Variants in ANKS1A observed in about 807,000 individuals in gnomAD.
The protein encoded by ANKS1A is ankyrin repeat and SAM domain-containing protein 1A.
ANKS1A carries 55 observed loss-of-function variants against 120.3 expected under a neutral mutation model. The ratio of observed to expected loss-of-function variants is 0.46; its 90% CI spans 0.37 to 0.57. ANKS1A has a LOEUF of 0.57. Among genes scored for constraint, ANKS1A ranks in the 20% least tolerant of loss-of-function variants. The pLI is 0.00. For missense variants in ANKS1A, 1,123 were observed against 1,480.3 expected, an observed-to-expected ratio of 0.76 and a Z score of 3.96; for synonymous variants, 590 against 604.7, an observed-to-expected ratio of 0.98 and a Z score of 0.36.
chr6:35,091,920 A>G (rs73403887), downstream of ANKS1A, among the ~76,000 whole-genome samples: 4,062 of 152,312 alleles, frequency 0.027, 66 homozygotes, highest in Middle Eastern at 0.054. Context: ...GGCTGGTGGC[A>G]GGGAGAGGAA....
chr6:35,065,453 T>C (rs1216664324), intron 13 of ANKS1A, among the ~76,000 whole-genome samples: 1 of 151,970 alleles, frequency 6.6e-6, no homozygotes, highest in Non-Finnish European at 1.5e-5. Context: ...ATTGCTGGCC[T>C]CGTTGTGAGC....
intron 1 of ANKS1A, among the ~76,000 whole-genome samples, chr6:34,933,801 G>A (rs79271052): frequency 0.043 from 6,596 of 152,184 alleles, 259 homozygotes; most frequent in African/African-American, 0.11. Flanking sequence ...GAATTGTCAG[G>A]GCTAATGCCT....
intron 1 of ANKS1A, 118 bp from the exon 2 acceptor site, chr6:34,967,121 A>G (rs1207813742): frequency 6.7e-6 from 6 of 889,334 alleles, no homozygotes; most frequent in Non-Finnish European, 8.9e-6. Flanking sequence ...ATTTGGAAGT[A>G]ACTGGTCTGG....
intron 10 of ANKS1A, among the ~76,000 whole-genome samples, chr6:34,998,679 C>A (rs1772982701): frequency 6.6e-6 from 1 of 152,188 alleles, no homozygotes; most frequent in South Asian, 2.1e-4. Flanking sequence ...CACACGGACC[C>A]CCCTTAGAGT....
At chr6:34,980,955 G>A (rs1561887891) in intron 3 of ANKS1A, among the ~76,000 whole-genome samples, 1 of 152,170 alleles carries the variant, frequency 6.6e-6, no homozygotes, top group Non-Finnish European at 1.5e-5. Context: ...CACAAAACAT[G>A]CCAGCGTTTG....
In ANKS1A at chr6:35,082,678, G is replaced by A. The variant is rs745578670; in HGVS notation, c.2710-13G>A. 1.8e-5 allele frequency: 29 copies of A among 1,604,054 alleles called. No individual in the cohort carries two copies. In the Middle Eastern group the frequency reaches 5.0e-4, roughly 28 times the overall value. On this transcript the variant is annotated splice_polypyrimidine_tract_variant and intron_variant, in intron 17 of 23. Transcript: ENST00000360359. This position sits in a 1 kb window ranked among gnomAD's most constrained non-coding sequence, Gnocchi z 4.1. ...GAGCAAGGAGCAGGTGTCCAATTGC[G>A]TGTGTTTCGCAGGAGGAGCACCGTG... is the stretch of plus-strand genomic sequence containing the variant.
intron 1 of ANKS1A, among the ~76,000 whole-genome samples, chr6:34,890,381 C>T (rs1443484751): frequency 6.6e-6 from 1 of 152,196 alleles, no homozygotes; most frequent in African/African-American, 2.4e-5. Context: ...TGAGCCACCG[C>T]GCCTGGCCCC....
chr6:34,892,237 T>TAAA (rs1372561479), intron 1 of ANKS1A, among the ~76,000 whole-genome samples: 1 of 152,226 alleles, frequency 6.6e-6, no homozygotes, highest in African/African-American at 2.4e-5. Flanking sequence ...AGGCACTAGT[T>TAAA]ACACTAATTA....
At chr6:35,033,427 T>C (rs1775000359) in intron 11 of ANKS1A, among the ~76,000 whole-genome samples, 1 of 152,172 alleles carries the variant, frequency 6.6e-6, no homozygotes, top group Non-Finnish European at 1.5e-5. Flanking sequence ...GTGGAATTCA[T>C]TTGGTTAAAG....
intron 11 of ANKS1A, among the ~76,000 whole-genome samples, chr6:35,041,140 A>C (rs542269381): frequency 1.3e-5 from 2 of 152,384 alleles, no homozygotes; most frequent in South Asian, 4.1e-4. Flanking sequence ...GGTCTTGGTC[A>C]AACGTTAATA....
chr6:35,074,989 C>A (rs921939593), intron 13 of ANKS1A, among the ~76,000 whole-genome samples: 3 of 152,186 alleles, frequency 2.0e-5, no homozygotes, highest in Non-Finnish European at 4.4e-5. Flanking sequence ...ATGCCCACCA[C>A]AACAGAGTAA....
At chr6:35,083,295 G>C in intron 19 of ANKS1A, 69 bp downstream of exon 19, 1 of 1,601,414 alleles carries the variant, frequency 6.2e-7, no homozygotes, top group African/African-American at 1.3e-5. Flanking sequence ...GGGGGCAGTA[G>C]CTGCAGTTGC....
rs149970946 is a variant in ANKS1A at position 34,968,839 on chromosome 6, T to A, written c.279-1171T>A. Among the ~76,000 whole-genome samples, 665 of 152,312 alleles carry A rather than the reference T, an allele frequency of 4.4e-3. 2 individuals are homozygous for A. The highest frequency in any genetic ancestry group is 0.014 in the African/African-American group (602 of 41,570). ...ACCTTAGAGTATTTTGTGTCACTTG[T>A]CCGATATTTGACCCACCCTAATTGA... On this transcript the variant is annotated intron_variant, in intron 2 of 23. Transcript: ENST00000360359.
At chr6:34,953,110 C>T (rs1770166220) in intron 1 of ANKS1A, among the ~76,000 whole-genome samples, 1 of 152,034 alleles carries the variant, frequency 6.6e-6, no homozygotes, top group Non-Finnish European at 1.5e-5. Context: ...TTTTTCTTAC[C>T]TGTTGAGTTC....
chr6:34,906,006 G>C (rs9380467), intron 1 of ANKS1A, among the ~76,000 whole-genome samples: 11,000 of 152,196 alleles, frequency 0.072, 599 homozygotes, highest in East Asian at 0.23. Flanking sequence ...CTCTCTTAGA[G>C]TGCATACTGG....
At chr6:35,027,907 T>TA (rs1774709825) in intron 11 of ANKS1A, among the ~76,000 whole-genome samples, 2 of 152,248 alleles carry the variant, frequency 1.3e-5, no homozygotes, top group Non-Finnish European at 2.9e-5. Flanking sequence ...CCAGGTATCC[T>TA]ACTCTTGCTC....
rs1221278763 is a variant in ANKS1A, at chr6:35,084,081, C to CCT, written c.2995-39_2995-38dup. The CCT allele has an allele frequency of 6.2e-7, 1 of 1,610,610 alleles. No individual in the cohort carries two copies. The highest frequency in any genetic ancestry group is 8.5e-7 in the Non-Finnish European group (1 of 1,178,038). On this transcript the variant is annotated intron_variant, in intron 20 of 23. Transcript: ENST00000360359. This position sits in a 1 kb window ranked among gnomAD's most constrained non-coding sequence, Gnocchi z 4.8. ...TGGGGCAGGGGGTGCCAGAGGCATG[C>CCT]CTGAGCCTGAGAATTCCAGAACACG...
At chr6:35,097,346 TA>T in the ANKS1A span, among the ~76,000 whole-genome samples, 1 of 151,898 alleles carries the variant, frequency 6.6e-6, no homozygotes, top group Non-Finnish European at 1.5e-5. Flanking sequence ...CTATCTCTAC[TA>T]AAAATACAGA....
chr6:34,914,475 CG>C (rs1554132821), intron 1 of ANKS1A, among the ~76,000 whole-genome samples: 1 of 151,974 alleles, frequency 6.6e-6, no homozygotes, highest in Non-Finnish European at 1.5e-5. Context: ...GTTTTCAGGA[CG>C]ACATTGTTCA....
Sources: allele counts gnomAD v4.1 joint callset (sites outside exome capture counted in the v4.1 genomes callset), GRCh38; gene constraint gnomAD v4.1.1; non-coding constraint Gnocchi (gnomAD v3.1); transcripts MANE v1.5; gene names NCBI Gene and HGNC (gene_info 2026-07-23, HGNC 2026-07-21).